RAB27A: variants seen among roughly 807,000 people sequenced by gnomAD.
RAB27A encodes ras-related protein Rab-27A.
RAB27A carries 17 observed loss-of-function variants against 20.8 expected under a neutral mutation model. The ratio of observed to expected loss-of-function variants is 0.82; its 90% CI spans 0.56 to 1.23. RAB27A has a LOEUF of 1.23. Ranked by LOEUF, RAB27A falls within the 50% of genes most tolerant of loss-of-function variation. The pLI is 0.00. For synonymous variants in RAB27A, 85 were observed against 92.8 expected, an observed-to-expected ratio of 0.92 and a Z score of 0.48; for missense variants, 277 against 266.7, an observed-to-expected ratio of 1.04 and a Z score of -0.27.
intron 2 of RAB27A, among the ~76,000 whole-genome samples, chr15:55,303,051 G>A (rs182553232): frequency 0.034 from 4,763 of 141,698 alleles, 122 homozygotes; most frequent in East Asian, 0.082. Context: ...CAGCCCCCCC[G>A]CCCGGCCAGC....
intron 2 of RAB27A, among the ~76,000 whole-genome samples, chr15:55,261,442 A>AT (rs1295752687): frequency 6.7e-6 from 1 of 150,010 alleles, no homozygotes; most frequent in Admixed American, 6.6e-5. Flanking sequence ...AGAAAAGAAT[A>AT]TTTTTGGCTG....
At chr15:55,244,844 A>G (rs1896628080) in intron 2 of RAB27A, among the ~76,000 whole-genome samples, 1 of 152,238 alleles carries the variant, frequency 6.6e-6, no homozygotes, top group African/African-American at 2.4e-5. Context: ...AAATGTTCAT[A>G]TACAAATGAC....
chr15:55,286,418 C>T (rs1489377323), intron 1 of RAB27A, among the ~76,000 whole-genome samples: 1 of 151,760 alleles, frequency 6.6e-6, no homozygotes, highest in Non-Finnish European at 1.5e-5. Flanking sequence ...TATAAATACT[C>T]GAAAGAAAAC....
rs543876404 is a variant in RAB27A, at chr15:55,260,576, T to C, written c.-23+9589A>G. Among the ~76,000 whole-genome samples, 9 of 152,342 alleles carry C rather than the reference T, an allele frequency of 5.9e-5. No individual in the cohort carries two copies. In the South Asian group the frequency reaches 1.9e-3, roughly 32 times the overall value. ...AGATGAATGGATAAATAAACTGTGGTACATTCAGACAATGGAAAATTATTC... is the reference window on the plus strand; with the variant it reads ...AGATGAATGGATAAATAAACTGTGGCACATTCAGACAATGGAAAATTATTC... On this transcript the variant is annotated intron_variant, in intron 2 of 6. Transcript: ENST00000336787.
intron 6 of RAB27A, among the ~76,000 whole-genome samples, chr15:55,210,456 G>A (rs1894971673): frequency 6.8e-6 from 1 of 146,278 alleles, no homozygotes; most frequent in Non-Finnish European, 1.5e-5. Flanking sequence ...CTATATTTTG[G>A]ATAAAAGTCA....
intron 1 of RAB27A, among the ~76,000 whole-genome samples, chr15:55,276,795 A>G (rs1205157473): frequency 6.6e-6 from 1 of 152,210 alleles, no homozygotes; most frequent in Non-Finnish European, 1.5e-5. Context: ...AAGAAGATAG[A>G]TCCAGTGTTA....
In RAB27A at chr15:55,241,595, C is replaced by T. The variant is rs189407541; in HGVS notation, c.-22-6639G>A. On this transcript the variant is annotated intron_variant, in intron 2 of 6. Coordinates refer to ENST00000336787, the MANE Select transcript of RAB27A (RefSeq NM_183235.3). ...AGACTAGCCCAGGCAACTAGCAAGA[C>T]CTATTTATATATATATATATATATA... Among the ~76,000 whole-genome samples, 146 of 106,832 alleles carry T rather than the reference C, an allele frequency of 1.4e-3. 4 individuals are homozygous for T. The highest frequency in any genetic ancestry group is 8.8e-3 in the African/African-American group (141 of 16,110). The allele number at this position is 106,832 out of a possible 152,430, so 70.1% of individuals were successfully genotyped here. A position where few individuals can be genotyped will look rare whatever the true frequency, so the allele number is the denominator to read the frequency against.
intron 2 of RAB27A, among the ~76,000 whole-genome samples, chr15:55,243,363 G>C (rs1048695661): frequency 3.3e-5 from 5 of 152,036 alleles, no homozygotes; most frequent in African/African-American, 9.7e-5. Flanking sequence ...TCTCGAATAA[G>C]ATTATTTTAG....
chr15:55,284,333 G>T (rs1898093106), intron 1 of RAB27A, among the ~76,000 whole-genome samples: 1 of 152,076 alleles, frequency 6.6e-6, no homozygotes, highest in South Asian at 2.1e-4. Flanking sequence ...GAATTTTGTG[G>T]GAATAGGCCA....
At chr15:55,296,046 G>A (rs577648050) in intron 2 of RAB27A, among the ~76,000 whole-genome samples, 47 of 151,106 alleles carry the variant, frequency 3.1e-4, no homozygotes, top group African/African-American at 1.0e-3. Context: ...ACAGGCACCC[G>A]CCACCATGCC....
chr15:55,303,495 C>T (rs1392518084), intron 2 of RAB27A, among the ~76,000 whole-genome samples: 1 of 50,848 alleles, frequency 2.0e-5, no homozygotes, highest in Non-Finnish European at 3.3e-5. Flanking sequence ...CGCCTCTGCC[C>T]GGCCGCCCCT....
rs367764530 is a variant in RAB27A, at chr15:55,223,960, T to C, written c.396A>G (p.Gly132=). The part of the protein sequence containing the change: ...YCENPDIVLC[G]NKSDLEDQRV... ...TCTGGTCCTCCAGATCACTCTTGTT[T>C]CCACACAGCACTATATCTGGGTTTT... The change falls in exon 6 of 7, where the codon GGA becomes GGG. Residue 132 remains glycine (G), a synonymous_variant. Transcript: ENST00000336787. 5.6e-6 allele frequency: 9 copies of C among 1,611,692 alleles called. No individual in the cohort carries two copies. In the African/African-American group the frequency reaches 1.1e-4, roughly 19 times the overall value.
exon 1 of RAB27A, chr15:55,319,071 C>G (rs1595762071): frequency 2.8e-6 from 2 of 710,820 alleles, no homozygotes; most frequent in East Asian, 6.0e-5. Flanking sequence ...TCCCTCGGTT[C>G]GGAAACGGCG....
At chr15:55,246,413 A>G (rs1334271080) in intron 2 of RAB27A, among the ~76,000 whole-genome samples, 1 of 132,556 alleles carries the variant, frequency 7.5e-6, no homozygotes, top group Non-Finnish European at 1.7e-5. Flanking sequence ...CTCAAATGAG[A>G]TATCGGCTTT....
rs111770934 is a variant in RAB27A at position 55,261,302 on chromosome 15, T to C, written c.-23+8863A>G. Among the ~76,000 whole-genome samples the C allele has an allele frequency of 2.6e-3, 386 of 150,742 alleles. 5 individuals are homozygous for C. Among genetic ancestry groups the C allele is most frequent in the African/African-American group, 8.8e-3 (362 of 41,012 alleles). ...ATCCCAGCTACTCAGGAGGCTGAGG[T>C]GGGAGAATTGCTGGAACCCGGGCAG... On this transcript the variant is annotated intron_variant, in intron 2 of 6. Transcript: ENST00000336787.
At chr15:55,253,131 CTGAAAAAAAAAAAAAGAAAG>C (rs1896955290) in intron 2 of RAB27A, among the ~76,000 whole-genome samples, 1 of 124,192 alleles carries the variant, frequency 8.1e-6, no homozygotes. Context: ...GACTCTGTCT[CTGAAAAAAAAAAAAAGAAAG>C]AAAGGCTCCC....
intron 6 of RAB27A, among the ~76,000 whole-genome samples, chr15:55,211,997 G>C (rs559559447): frequency 7.2e-5 from 5 of 69,922 alleles, no homozygotes; most frequent in African/African-American, 2.8e-4. Flanking sequence ...CCCCTTTTTT[G>C]CTTCAGGGAT....
chr15:55,222,065 G>A (rs1317094435), intron 6 of RAB27A, among the ~76,000 whole-genome samples: 1 of 152,180 alleles, frequency 6.6e-6, no homozygotes, highest in Non-Finnish European at 1.5e-5. Context: ...AATTGCATAT[G>A]CTCAAATTCC....
At chr15:55,214,245 G>A (rs889740233) in intron 6 of RAB27A, among the ~76,000 whole-genome samples, 3 of 152,146 alleles carry the variant, frequency 2.0e-5, no homozygotes, top group Non-Finnish European at 4.4e-5. Flanking sequence ...GACCATCCTG[G>A]CTAACATGGT....
Sources: gnomAD v4.1 joint callset for allele counts (sites outside exome capture counted in the v4.1 genomes callset) on GRCh38, gnomAD v4.1.1 for gene constraint, MANE v1.5 for transcripts, NCBI Gene and HGNC (gene_info 2026-07-23, HGNC 2026-07-21) for gene names.